Variants in EFCAB6 observed in about 807,000 individuals in gnomAD.
The protein encoded by EFCAB6 is EF-hand calcium-binding domain-containing protein 6.
EFCAB6 carries 156 observed loss-of-function variants against 169.8 expected under a neutral mutation model. That is an observed-to-expected ratio of 0.92 (90% confidence interval 0.81 to 1.05). EFCAB6 has a LOEUF of 1.05. EFCAB6 is among the 50% of genes least tolerant of loss of function. The pLI is 0.00. For missense variants in EFCAB6, 1,800 were observed against 1,829.1 expected (o/e 0.98, Z 0.29); for synonymous variants, 698 against 676.4 (o/e 1.03, Z -0.50).
chr22:43,719,202 T>G (rs565712879), intron 8 of EFCAB6, among the ~76,000 whole-genome samples: 17 of 152,200 alleles, frequency 1.1e-4, no homozygotes, highest in Non-Finnish European at 2.1e-4. Context: ...GTGTATTCAG[T>G]GACGCCTCTC....
intron 15 of EFCAB6, among the ~76,000 whole-genome samples, chr22:43,670,217 C>G (rs1236582069): frequency 6.6e-6 from 1 of 152,158 alleles, no homozygotes; most frequent in Non-Finnish European, 1.5e-5. Flanking sequence ...AGCAAGTACA[C>G]TTGTTTCTGC....
intron 17 of EFCAB6, among the ~76,000 whole-genome samples, chr22:43,660,257 C>T (rs1186897079): frequency 1.3e-5 from 2 of 152,062 alleles, no homozygotes; most frequent in African/African-American, 2.4e-5. Flanking sequence ...TGTTATGTTC[C>T]CCGTGGGTCA....
chr22:43,692,423 AAT>A (rs2058442814), intron 10 of EFCAB6, among the ~76,000 whole-genome samples: 1 of 152,200 alleles, frequency 6.6e-6, no homozygotes, highest in African/African-American at 2.4e-5. Flanking sequence ...AGATAACCCA[AAT>A]ATTGGCATTA....
chr22:43,633,720 C>T (rs966699310), intron 18 of EFCAB6, among the ~76,000 whole-genome samples: 13 of 152,290 alleles, frequency 8.5e-5, no homozygotes, highest in South Asian at 8.3e-4. Context: ...GCCCTCCCCA[C>T]GGTGTGGTGG....
At position 43,576,336 on chromosome 22, in the gene EFCAB6, C is replaced by A; in HGVS notation, c.3381G>T (p.Trp1127Cys). The change falls in exon 26 of 32, where the codon TGG becomes TGT. Residue 1127 changes from tryptophan (W) to cysteine (C), a missense_variant. Transcript: ENST00000262726. ...AGCTAAAGTTCTGGAGAAAATATTT[C>A]CAATTTATATAGGGGGTTAGATGAA... ...LRIHLTPYIN[W>C]KYFLQNFSCF... 1 of 1,595,756 alleles carries A rather than the reference C, an allele frequency of 6.3e-7. No individual in the cohort carries two copies. Among genetic ancestry groups the A allele is most frequent in the South Asian group, 1.2e-5 (1 of 86,428 alleles).
At chr22:43,556,027 G>A (rs1602236538) in intron 26 of EFCAB6, among the ~76,000 whole-genome samples, 1 of 152,264 alleles carries the variant, frequency 6.6e-6, no homozygotes, top group East Asian at 1.9e-4. Flanking sequence ...GGAAGAGCCA[G>A]CAAGGGAAGT....
intron 12 of EFCAB6, among the ~76,000 whole-genome samples, chr22:43,682,023 A>C (rs1004897817): frequency 1.3e-5 from 2 of 152,206 alleles, no homozygotes; most frequent in African/African-American, 4.8e-5. Flanking sequence ...TCTCTATAGC[A>C]GGAGAGAGAT....
chr22:43,653,028 A>G (rs1027059228), intron 17 of EFCAB6, among the ~76,000 whole-genome samples: 7 of 152,220 alleles, frequency 4.6e-5, no homozygotes, highest in Admixed American at 6.5e-5. Flanking sequence ...AAGGCAGATC[A>G]ATAGGAAATA....
rs1569488073 is a variant in EFCAB6 at position 43,784,674 on chromosome 22, T to TATATGTGTGTATATATACATATAC, written c.-7-2350_-7-2349insGTATATGTATATATACACACATAT. On this transcript the variant is annotated intron_variant, in intron 2 of 31. Coordinates refer to ENST00000262726, the MANE Select transcript of EFCAB6 (RefSeq NM_022785.4). ...ATATGTGTATATATACATATACATA[T>TATATGTGTGTATATATACATATAC]ATACACACACACACACACACACACA... 3.0e-3 allele frequency among the ~76,000 whole-genome samples: 149 copies of TATATGTGTGTATATATACATATAC among 49,632 alleles called. 6 individuals carry two copies. Among genetic ancestry groups the TATATGTGTGTATATATACATATAC allele is most frequent in the East Asian group, 0.015 (20 of 1,316 alleles). The allele number at this position is 49,632 out of a possible 152,430, so 32.6% of individuals were successfully genotyped here.
chr22:43,702,245 G>T (rs2058792265), intron 10 of EFCAB6, among the ~76,000 whole-genome samples: 1 of 152,166 alleles, frequency 6.6e-6, no homozygotes, highest in African/African-American at 2.4e-5. Flanking sequence ...GAACAATTTG[G>T]CAGTCCTTAT....
intron 1 of EFCAB6, among the ~76,000 whole-genome samples, chr22:43,811,906 TG>T (rs1178844291): frequency 6.6e-6 from 1 of 152,190 alleles, no homozygotes; most frequent in African/African-American, 2.4e-5. Flanking sequence ...CCGTCAGCGT[TG>T]TTTATCGTTC....
In EFCAB6 at chr22:43,795,128, T is replaced by C. The variant is rs1240876984; in HGVS notation, c.-7-12803A>G. Among the ~76,000 whole-genome samples the C allele has an allele frequency of 6.6e-6, 1 of 151,876 alleles. No homozygotes were observed. The highest frequency in any genetic ancestry group is 1.9e-4 in the East Asian group (1 of 5,180). On this transcript the variant is annotated intron_variant, in intron 2 of 31. Coordinates refer to ENST00000262726, the MANE Select transcript of EFCAB6 (RefSeq NM_022785.4). This position sits in a 1 kb window ranked among gnomAD's most constrained non-coding sequence, Gnocchi z 4.2. ...CACCCCCACAAACCTAGAAATCAAA[T>C]GAAAAACAACAAACTGCGGAAAGTG...
chr22:43,775,476 G>C (rs550814592), intron 3 of EFCAB6, among the ~76,000 whole-genome samples: 1 of 152,116 alleles, frequency 6.6e-6, no homozygotes, highest in East Asian at 1.9e-4. Context: ...ATGGAGTCTT[G>C]CTGTCTCCCA....
At chr22:43,669,547 G>C (rs953641154) in intron 15 of EFCAB6, among the ~76,000 whole-genome samples, 1 of 152,210 alleles carries the variant, frequency 6.6e-6, no homozygotes, top group Admixed American at 6.5e-5. Context: ...AGAGCTATCA[G>C]TGGTTTCGTG....
chr22:43,736,525 G>A (rs2060144967), intron 6 of EFCAB6, among the ~76,000 whole-genome samples: 1 of 151,920 alleles, frequency 6.6e-6, no homozygotes, highest in South Asian at 2.1e-4. Flanking sequence ...ATTAGGATAG[G>A]CCCTGTGGAT....
At chr22:43,651,442 T>C (rs1415664350) in intron 17 of EFCAB6, among the ~76,000 whole-genome samples, 3 of 152,268 alleles carry the variant, frequency 2.0e-5, no homozygotes, top group African/African-American at 7.2e-5. Context: ...CGGAAACGCC[T>C]GGATGTCTAA....
intron 13 of EFCAB6, among the ~76,000 whole-genome samples, chr22:43,673,412 C>T (rs137770): frequency 0.82 from 124,341 of 152,170 alleles, 50,875 homozygotes; most frequent in East Asian, 0.97. Flanking sequence ...AAGATGTTCA[C>T]TGCAGCAAAA....
chr22:43,589,428 T>C (rs2051314815), intron 24 of EFCAB6, among the ~76,000 whole-genome samples: 1 of 151,924 alleles, frequency 6.6e-6, no homozygotes, highest in Non-Finnish European at 1.5e-5. Flanking sequence ...GACTGCTGGT[T>C]TTAGTAACCA....
chr22:43,675,586 T>C (rs983586029), intron 13 of EFCAB6, among the ~76,000 whole-genome samples: 1 of 144,702 alleles, frequency 6.9e-6, no homozygotes, highest in African/African-American at 2.6e-5. Flanking sequence ...ATTTATATGA[T>C]AATTATACTA....
Sources: gnomAD v4.1 joint callset for allele counts (sites outside exome capture counted in the v4.1 genomes callset) on GRCh38, gnomAD v4.1.1 for gene constraint, Gnocchi (gnomAD v3.1) non-coding constraint, MANE v1.5 for transcripts, NCBI Gene and HGNC (gene_info 2026-07-23, HGNC 2026-07-21) for gene names.